Variants in HNF4G observed in about 807,000 individuals in gnomAD.
The protein encoded by HNF4G is hepatocyte nuclear factor 4-gamma.
Under a neutral mutation model 50.9 loss-of-function variants are expected in HNF4G, and 21 were observed. That is an observed-to-expected ratio of 0.41 (90% confidence interval 0.29 to 0.59). HNF4G has a LOEUF of 0.59. Ranked by LOEUF, HNF4G falls within the 20% of genes least tolerant of loss-of-function variation. The probability of loss-of-function intolerance (pLI) is 0.26; values close to 1 mark genes in which losing one functional copy is unlikely to be tolerated. For missense variants in HNF4G, 527 were observed against 559.4 expected, an observed-to-expected ratio of 0.94 and a Z score of 0.58; for synonymous variants, 198 against 185.6, an observed-to-expected ratio of 1.07 and a Z score of -0.54.
intron 2 of HNF4G, among the ~76,000 whole-genome samples, chr8:75,511,456 G>C (rs964244726): frequency 6.6e-6 from 1 of 152,110 alleles, no homozygotes; most frequent in Non-Finnish European, 1.5e-5. Flanking sequence ...ATCAATTATA[G>C]AATCACTTCT....
chr8:75,449,663 C>G (rs577246396), intron 1 of HNF4G, among the ~76,000 whole-genome samples: 12 of 151,740 alleles, frequency 7.9e-5, no homozygotes, highest in Non-Finnish European at 1.5e-4. Context: ...CCCGCCACCA[C>G]GCCAGGCTAA....
chr8:75,448,296 G>T (rs1182284941), intron 1 of HNF4G, among the ~76,000 whole-genome samples: 15 of 104,814 alleles, frequency 1.4e-4, no homozygotes, highest in Non-Finnish European at 1.9e-5. Flanking sequence ...GGTGGGGGGA[G>T]GGGGGAGGGA....
At chr8:75,469,294 C>CCACCCA (rs561293022) in intron 1 of HNF4G, among the ~76,000 whole-genome samples, 5,675 of 152,186 alleles carry the variant, frequency 0.037, 122 homozygotes, top group South Asian at 0.055. Context: ...GAAATATACC[C>CCACCCA]CACCCACAGT....
At position 75,546,190 on chromosome 8, in the gene HNF4G, C is replaced by T. The variant is rs116454236; in HGVS notation, c.288-1397C>T. 6.8e-3 allele frequency among the ~76,000 whole-genome samples: 1,038 copies of T among 152,162 alleles called. 12 individuals are homozygous for T. Among genetic ancestry groups the T allele is most frequent in the African/African-American group, 0.023 (958 of 41,520 alleles). On this transcript the variant is annotated intron_variant, in intron 2 of 9. Coordinates refer to ENST00000396423, the MANE Select transcript of HNF4G (RefSeq NM_004133.5). ...TGCCAGAATTTTGAAGAAATGTTAG[C>T]GTTTACTGTATGCTTAATATTTGCC...
intron 4 of HNF4G, 54 bp downstream of exon 4, chr8:75,551,548 T>A: frequency 9.9e-7 from 1 of 1,012,238 alleles, no homozygotes. Context: ...AATGTCCATG[T>A]AGGCATCATG....
intron 1 of HNF4G, among the ~76,000 whole-genome samples, chr8:75,450,512 T>C (rs1263887104): frequency 6.6e-6 from 1 of 152,206 alleles, no homozygotes; most frequent in Non-Finnish European, 1.5e-5. Context: ...GGAAACTCCA[T>C]ACTGTTTTAC....
rs1281625314 is a variant in HNF4G, at chr8:75,439,768, G to GT, written c.-144+31613dup. Among the ~76,000 whole-genome samples the GT allele has an allele frequency of 1.2e-3, 183 of 151,902 alleles. 1 individual carries two copies. Among genetic ancestry groups the GT allele is most frequent in the African/African-American group, 4.1e-3 (168 of 41,474 alleles). On this transcript the variant is annotated intron_variant, in intron 1 of 10. Transcript: ENST00000354370. ...TATTAAGCATTATATCTCCACATTA[G>GT]TTTTTTTAAATACAATAAGCTTACA...
chr8:75,415,376 T>A (rs1423951831), intron 1 of HNF4G, among the ~76,000 whole-genome samples: 1 of 152,114 alleles, frequency 6.6e-6, no homozygotes, highest in Non-Finnish European at 1.5e-5. Context: ...GTAAAGATAT[T>A]ATATTCATAA....
chr8:75,564,282 C>A lies in HNF4G; in HGVS notation c.*186C>A, dbSNP rs922323408. 43 of 566,410 alleles carry A rather than the reference C, an allele frequency of 7.6e-5. No individual in the cohort carries two copies. Among genetic ancestry groups the A allele is most frequent in the Non-Finnish European group, 1.3e-4 (43 of 328,730 alleles). The allele number at this position is 566,410 out of a possible 1,614,324, so 35.1% of individuals were successfully genotyped here. ...TTATTGCTACTATGTAAAACTTTCA[C>A]ATGCAACCAATGTATATCTGAGTTT... On this transcript the variant is annotated 3_prime_UTR_variant, in exon 10 of 10. Coordinates refer to ENST00000396423, the MANE Select transcript of HNF4G (RefSeq NM_004133.5).
At chr8:75,426,732 A>G (rs1162082121) in intron 1 of HNF4G, among the ~76,000 whole-genome samples, 1 of 151,430 alleles carries the variant, frequency 6.6e-6, no homozygotes, top group East Asian at 1.9e-4. Context: ...ATTCTTATTT[A>G]TTGGAGGATA....
At chr8:75,430,631 A>G (rs554279818) in intron 1 of HNF4G, among the ~76,000 whole-genome samples, 31 of 152,294 alleles carry the variant, frequency 2.0e-4, no homozygotes, top group South Asian at 6.2e-4. Context: ...AGCCATATTC[A>G]TAGTACATAT....
intron 2 of HNF4G, among the ~76,000 whole-genome samples, chr8:75,508,848 A>G (rs939055788): frequency 2.0e-5 from 3 of 152,228 alleles, no homozygotes; most frequent in Non-Finnish European, 4.4e-5. Flanking sequence ...AGTGTCTTGT[A>G]ATCCATGTGG....
chr8:75,465,123 T>A (rs1424993699), intron 1 of HNF4G, among the ~76,000 whole-genome samples: 1 of 152,188 alleles, frequency 6.6e-6, no homozygotes, highest in African/African-American at 2.4e-5. Flanking sequence ...TAAGGGATGA[T>A]ATGGTATTAT....
rs1231672399 is a variant in HNF4G at position 75,462,935 on chromosome 8, C to T, written c.-143-27154C>T. 2.0e-5 allele frequency among the ~76,000 whole-genome samples: 3 copies of T among 152,056 alleles called. No homozygotes were observed. In the East Asian group the frequency reaches 5.8e-4, roughly 29 times the overall value. On this transcript the variant is annotated intron_variant, in intron 1 of 10. Transcript: ENST00000354370. ...TATAAGTAATGTCTAATAATAATTA[C>T]ATTTGCAAAAACTATTTTCTAAATA...
intron 2 of HNF4G, among the ~76,000 whole-genome samples, chr8:75,499,927 A>G (rs1812882487): frequency 6.6e-6 from 1 of 152,216 alleles, no homozygotes; most frequent in Non-Finnish European, 1.5e-5. Flanking sequence ...TGCTAAAACT[A>G]TCAAATCCTT....
intron 1 of HNF4G, among the ~76,000 whole-genome samples, chr8:75,462,968 C>T (rs1811888095): frequency 6.6e-6 from 1 of 151,686 alleles, no homozygotes; most frequent in African/African-American, 2.4e-5. Context: ...ATATATTAAA[C>T]ATTTTGTGGG....
rs1806838201 is a variant in HNF4G, at chr8:75,547,992, T to TC, written c.382+311_382+312insC. Among the ~76,000 whole-genome samples, 4 of 146,004 alleles carry TC rather than the reference T, an allele frequency of 2.7e-5. No homozygotes were observed. The South Asian group carries it at 8.5e-4, about 31-fold the overall frequency. On this transcript the variant is annotated intron_variant, in intron 3 of 9. Transcript: ENST00000396423. ...TGTTAGTGGGTTGAAATTACAGATT[T>TC]TTTTTTTTTTTTTTGAGATGGAGTC...
At chr8:75,420,680 T>C (rs1225712203) in intron 1 of HNF4G, among the ~76,000 whole-genome samples, 2 of 152,246 alleles carry the variant, frequency 1.3e-5, no homozygotes, top group East Asian at 1.9e-4. Context: ...CTCTGATTTG[T>C]ACAGGTGTCT....
intron 9 of HNF4G, among the ~76,000 whole-genome samples, chr8:75,563,548 A>C (rs1369748034): frequency 1.3e-5 from 2 of 152,110 alleles, no homozygotes; most frequent in Non-Finnish European, 2.9e-5. Context: ...AATTAGTGGA[A>C]TCCAAACCAA....
Sources: allele counts gnomAD v4.1 joint callset (sites outside exome capture counted in the v4.1 genomes callset), GRCh38; gene constraint gnomAD v4.1.1; transcripts MANE v1.5; gene names NCBI Gene and HGNC (gene_info 2026-07-23, HGNC 2026-07-21).